The following CLPTM1 variants were observed in gnomAD, a reference collection of about 807,000 sequenced individuals.
CLPTM1 encodes CLPTM1 regulator of GABA type A receptor forward trafficking, also known as putative lipid scramblase CLPTM1.
In CLPTM1, 21 loss-of-function variants were observed where a neutral mutation model predicts 77.3. The observed-to-expected ratio is 0.27, with a 90% CI of 0.19 to 0.39. The LOEUF is 0.39. Ranked by LOEUF, CLPTM1 falls within the 10% of genes least tolerant of loss-of-function variation. The pLI is 1.00. For missense variants in CLPTM1, 642 were observed against 921.2 expected (o/e 0.70, Z 3.92); for synonymous variants, 373 against 381.0 (o/e 0.98, Z 0.24).
chr19:44,982,602 C>T lies in CLPTM1; in HGVS notation c.587-2616C>T, dbSNP rs138392142. The stretch of plus-strand genomic sequence containing the variant: ...AAGCCTCTCTCCCCTGTGCCTCCCC[C>T]TCCACCAGCCAGCGCTGCCCTCTGG... On this transcript the variant is annotated intron_variant, in intron 5 of 13. Coordinates refer to ENST00000337392, the MANE Select transcript of CLPTM1 (RefSeq NM_001294.4). Among the ~76,000 whole-genome samples the T allele has an allele frequency of 3.5e-3, 535 of 152,366 alleles. 4 individuals are homozygous for T. Among genetic ancestry groups the T allele is most frequent in the African/African-American group, 0.012 (506 of 41,588 alleles).
intron 4 of CLPTM1, among the ~76,000 whole-genome samples, chr19:44,974,916 G>A (rs528490359): frequency 6.6e-6 from 1 of 152,322 alleles, no homozygotes; most frequent in South Asian, 2.1e-4. Flanking sequence ...CAGTTTATCA[G>A]GCAGCCCCGT....
At position 44,993,222 on chromosome 19, in the gene CLPTM1, A is replaced by G. The variant is rs796122195; in HGVS notation, c.*325A>G. The G allele has an allele frequency of 2.5e-5, 14 of 550,034 alleles. No individual in the cohort carries two copies. The highest frequency in any genetic ancestry group is 2.0e-4 in the African/African-American group (11 of 53,712). 34.1% of individuals were successfully genotyped at this position (550,034 alleles called of 1,614,324 possible). On this transcript the variant is annotated 3_prime_UTR_variant, in exon 14 of 14. Transcript: ENST00000337392. ...GGGTGGGGCCGGGCCCCCCTACGGG[A>G]TGCCCACGGCCGTTCATCATCTTGT...
At chr19:44,986,693 C>T (rs1361858132) in intron 7 of CLPTM1, 118 bp downstream of exon 7, 2 of 1,322,654 alleles carry the variant, frequency 1.5e-6, no homozygotes, top group African/African-American at 2.9e-5. Context: ...CTCCACCCTC[C>T]CAAGCTCCCA....
At chr19:44,969,687 C>CTTTTT (rs11330180) in intron 2 of CLPTM1, among the ~76,000 whole-genome samples, 1 of 132,520 alleles carries the variant, frequency 7.5e-6, no homozygotes, top group Non-Finnish European at 1.6e-5. Context: ...TTTAAGGACA[C>CTTTTT]TTTTTTTTTT....
rs1166558490 is a variant in CLPTM1 at position 44,955,403 on chromosome 19, C to T, written c.8C>T (p.Ala3Val). Reference protein sequence around the residue: MAAAQEADGARSA... With the variant: MAVAQEADGARSA... Reference sequence around the variant, plus strand: ...GGGACCCGGAGCGGGAAGATGGCGGCGGCGCAGGAGGCGGACGGGGCCCGC... The same window carrying T: ...GGGACCCGGAGCGGGAAGATGGCGGTGGCGCAGGAGGCGGACGGGGCCCGC... The change falls in exon 1 of 14, where the codon GCG becomes GTG. Residue 3 changes from alanine (A) to valine (V), a missense_variant. Around this residue, in one of 2 missense-constraint regions of CLPTM1, gnomAD observed 121 missense variants for 120.8 expected, o/e 1.00. Transcript: ENST00000337392. The T allele has an allele frequency of 1.5e-6, 2 of 1,318,096 alleles. No individual in the cohort carries two copies. Among genetic ancestry groups the T allele is most frequent in the Non-Finnish European group, 1.9e-6 (2 of 1,032,676 alleles). 81.7% of individuals were successfully genotyped at this position (1,318,096 alleles called of 1,614,324 possible).
At position 44,990,667 on chromosome 19, in the gene CLPTM1, C is replaced by T. The variant is rs1600048930; in HGVS notation, c.1323+82C>T. Reference sequence around the variant, plus strand: ...TGGCCCAGCTGGACCCTGGAGCTGGCCCCCGGGGGATTCCCAGCAAGTGCC... The same window carrying T: ...TGGCCCAGCTGGACCCTGGAGCTGGTCCCCGGGGGATTCCCAGCAAGTGCC... On this transcript the variant is annotated intron_variant, in intron 10 of 13. Coordinates refer to ENST00000337392, the MANE Select transcript of CLPTM1 (RefSeq NM_001294.4). This position sits in a 1 kb window ranked among gnomAD's most constrained non-coding sequence, Gnocchi z 4.8. The T allele has an allele frequency of 2.7e-6, 4 of 1,490,930 alleles. No homozygotes were observed. The highest frequency in any genetic ancestry group is 2.4e-5 in the South Asian group (2 of 84,366). The allele number at this position is 1,490,930 out of a possible 1,614,324, so 92.4% of individuals were successfully genotyped here.
At chr19:44,975,406 C>G (rs1320496003) in intron 4 of CLPTM1, among the ~76,000 whole-genome samples, 5 of 152,234 alleles carry the variant, frequency 3.3e-5, no homozygotes, top group Non-Finnish European at 5.9e-5. Flanking sequence ...AGGGACATCT[C>G]TCTTTGGGGC....
intron 1 of CLPTM1, 136 bp downstream of exon 1, chr19:44,955,603 G>C: frequency 2.2e-6 from 2 of 918,992 alleles, no homozygotes; most frequent in South Asian, 5.3e-5. Flanking sequence ...ACCCGGCCCA[G>C]GCAGGGCCGG....
chr19:44,986,443 A>T lies in CLPTM1; in HGVS notation c.673-12A>T, dbSNP rs753990695. ...ACCTGCCTCTGAGGTCCTTCCCCCC[A>T]TGTTGCCTCAGAGGGCTGAGGACTA... On this transcript the variant is annotated splice_polypyrimidine_tract_variant and intron_variant, in intron 6 of 13. Transcript: ENST00000337392. 4 of 1,613,158 alleles carry T rather than the reference A, an allele frequency of 2.5e-6. No homozygotes were observed. In the South Asian group the frequency reaches 4.4e-5, roughly 18 times the overall value.
At chr19:44,988,494 C>T (rs1971019083) in intron 9 of CLPTM1, among the ~76,000 whole-genome samples, 1 of 152,060 alleles carries the variant, frequency 6.6e-6, no homozygotes, top group Non-Finnish European at 1.5e-5. Flanking sequence ...GCCACCCTGC[C>T]CGGCAGGCTG....
Position 44,966,291 on chromosome 19 carries a change from G to T in CLPTM1, c.185+4216G>T, listed in dbSNP as rs560329672. On this transcript the variant is annotated intron_variant, in intron 2 of 13. Coordinates refer to ENST00000337392, the MANE Select transcript of CLPTM1 (RefSeq NM_001294.4). ...CCGGGCATGGTGGCAGGCGCCTATA[G>T]TCCCAGCTACTCGGGAGGCTGAGGC... 2.2e-4 allele frequency among the ~76,000 whole-genome samples: 33 copies of T among 152,148 alleles called. No homozygotes were observed. In the South Asian group the frequency reaches 2.9e-3, roughly 13 times the overall value.
chr19:44,977,583 AG>A, intron 5 of CLPTM1, 123 bp downstream of exon 5: 1 of 787,228 alleles, frequency 1.3e-6, no homozygotes, highest in Non-Finnish European at 2.1e-6. Context: ...GTGCTCAAAG[AG>A]GGTGGGATTG....
At position 44,974,486 on chromosome 19, in the gene CLPTM1, C is replaced by T. The variant is rs776635170; in HGVS notation, c.357C>T (p.Asn119=). ...AGCACGAGCACTTTACAGACTTCAA[C>T]GCCACGTCGGCACTCTTCTGGGAAC... The part of the protein sequence containing the change: ...ISEHEHFTDF[N]ATSALFWEQH... Residue 119 remains asparagine, a synonymous_variant, in exon 4 of 14, where the codon AAC becomes AAT. Coordinates refer to ENST00000337392, the MANE Select transcript of CLPTM1 (RefSeq NM_001294.4). 1.8e-4 allele frequency: 284 copies of T among 1,614,052 alleles called. No homozygotes were observed. Among genetic ancestry groups the T allele is most frequent in the Non-Finnish European group, 2.3e-4 (272 of 1,180,040 alleles).
At chr19:44,974,088 G>C (rs913625076) in intron 3 of CLPTM1, among the ~76,000 whole-genome samples, 1 of 152,004 alleles carries the variant, frequency 6.6e-6, no homozygotes, top group African/African-American at 2.4e-5. Context: ...TGTAGCTCTG[G>C]ACTGCTTCGT....
chr19:44,955,152 T>C (rs1970438408), upstream of CLPTM1: 1 of 1,535,694 alleles, frequency 6.5e-7, no homozygotes, highest in Non-Finnish European at 8.7e-7. Context: ...GAGAAAGTCC[T>C]GGAGTTCGGA....
intron 2 of CLPTM1, among the ~76,000 whole-genome samples, chr19:44,969,064 T>C (rs1970678424): frequency 6.6e-6 from 1 of 152,156 alleles, no homozygotes; most frequent in Non-Finnish European, 1.5e-5. Flanking sequence ...GTTTTTCTGC[T>C]CCAAAGTTTT....
intron 1 of CLPTM1, 51 bp downstream of exon 1, chr19:44,955,518 T>C: frequency 8.0e-7 from 1 of 1,249,868 alleles, no homozygotes; most frequent in Non-Finnish European, 1.0e-6. Context: ...CCGGGGGGCC[T>C]CCCACGGGGC....
chr19:44,969,012 C>A, intron 2 of CLPTM1, among the ~76,000 whole-genome samples: 1 of 152,100 alleles, frequency 6.6e-6, no homozygotes, highest in South Asian at 2.1e-4. Flanking sequence ...GATCAGGGCT[C>A]AGCAGGGAGG....
chr19:44,986,138 G>A (rs573116678), intron 6 of CLPTM1, among the ~76,000 whole-genome samples: 60 of 152,136 alleles, frequency 3.9e-4, no homozygotes, highest in African/African-American at 1.4e-3. Context: ...ACTTGAGCCC[G>A]GAAGTTCAAG....
Sources: allele counts gnomAD v4.1 joint callset (sites outside exome capture counted in the v4.1 genomes callset), GRCh38; gene constraint gnomAD v4.1.1; regional missense constraint gnomAD v4.1.1; non-coding constraint Gnocchi (gnomAD v3.1); transcripts MANE v1.5; gene names NCBI Gene and HGNC (gene_info 2026-07-23, HGNC 2026-07-21).